RUNX3: variants seen among roughly 807,000 people sequenced by gnomAD.
The protein encoded by RUNX3 is runt-related transcription factor 3.
Under a neutral mutation model 27.7 loss-of-function variants are expected in RUNX3, and 10 were observed. The observed-to-expected ratio is 0.36, with a 90% CI of 0.22 to 0.61. RUNX3 has a LOEUF of 0.61. Ranked by LOEUF, RUNX3 falls within the 20% of genes least tolerant of loss-of-function variation. The probability of loss-of-function intolerance (pLI) is 0.72; values close to 1 mark genes in which losing one functional copy is unlikely to be tolerated. For synonymous variants in RUNX3, 270 were observed against 269.2 expected (o/e 1.00, Z -0.03); for missense variants, 469 against 629.5 (o/e 0.75, Z 2.73).
At chr1:24,940,875 GTAGA>G in intron 2 of RUNX3, among the ~76,000 whole-genome samples, 1 of 152,136 alleles carries the variant, frequency 6.6e-6, no homozygotes, top group East Asian at 1.9e-4. Flanking sequence ...CAGGTGGTAG[GTAGA>G]TAGATGTCTG....
At chr1:24,921,775 C>T (rs1445352322) in intron 2 of RUNX3, among the ~76,000 whole-genome samples, 2 of 152,158 alleles carry the variant, frequency 1.3e-5, no homozygotes. Flanking sequence ...TTTAGGCAGA[C>T]AGCCCAGAGC....
At chr1:24,903,363 C>T (rs1428411578) in intron 4 of RUNX3, among the ~76,000 whole-genome samples, 1 of 152,208 alleles carries the variant, frequency 6.6e-6, no homozygotes, top group Non-Finnish European at 1.5e-5. Context: ...CTGGAGCCGA[C>T]TCGTGGCCAC....
intron 3 of RUNX3, among the ~76,000 whole-genome samples, chr1:24,918,081 G>C (rs1231851871): frequency 1.3e-5 from 2 of 152,178 alleles, no homozygotes; most frequent in Non-Finnish European, 2.9e-5. Flanking sequence ...GTGACCCTGA[G>C]AGCCCTGGAG....
rs762450429 is a variant in RUNX3, at chr1:24,964,513, C to T, written c.58+1G>A. On this transcript the variant is annotated splice_donor_variant, in intron 2 of 6. Transcript: ENST00000338888. LOFTEE classifies it high-confidence loss of function. ...CAGGGCCCTGGGCTATTGTTACTCA[C>T]CGCGGATGAAGGTCGGCGAGTAGGT... 6.2e-7 allele frequency: 1 copy of T among 1,609,160 alleles called. No individual in the cohort carries two copies. The highest frequency in any genetic ancestry group is 8.5e-7 in the Non-Finnish European group (1 of 1,177,780).
intron 2 of RUNX3, among the ~76,000 whole-genome samples, chr1:24,959,825 G>A (rs1269751622): frequency 2.0e-5 from 3 of 152,216 alleles, no homozygotes; most frequent in African/African-American, 7.2e-5. Flanking sequence ...GGCATCTTCA[G>A]GGGAGGAGCT....
intron 2 of RUNX3, among the ~76,000 whole-genome samples, chr1:24,958,495 G>A (rs1222995933): frequency 6.6e-6 from 1 of 152,204 alleles, no homozygotes; most frequent in African/African-American, 2.4e-5. Flanking sequence ...CTCCTGGACT[G>A]ATTCACTGTT....
chr1:24,932,226 T>C (rs1641246800), upstream of RUNX3, among the ~76,000 whole-genome samples: 1 of 151,916 alleles, frequency 6.6e-6, no homozygotes, highest in Non-Finnish European at 1.5e-5. Context: ...AATGAGGGAC[T>C]CTTGTGGGCC....
chr1:24,927,246 T>C lies in RUNX3; in HGVS notation c.439+328A>G, dbSNP rs1330117865. 1.3e-5 allele frequency among the ~76,000 whole-genome samples: 2 copies of C among 152,158 alleles called. No individual in the cohort carries two copies. Among genetic ancestry groups the C allele is most frequent in the Non-Finnish European group, 1.5e-5 (1 of 68,022 alleles). On this transcript the variant is annotated intron_variant, in intron 2 of 4. Coordinates refer to ENST00000308873, the MANE Select transcript of RUNX3 (RefSeq NM_004350.3). The surrounding 1 kb of genome is among the most constrained non-coding windows in gnomAD (Gnocchi z 5.0). ...GCTGAAAGACCTATAAGCTCCCTTT[T>C]TGAGCTTGTTAATCCACCATCTCCT...
At chr1:24,964,178 C>T (rs1396529378) in intron 2 of RUNX3, among the ~76,000 whole-genome samples, 1 of 152,200 alleles carries the variant, frequency 6.6e-6, no homozygotes, top group East Asian at 1.9e-4. Flanking sequence ...GGCTGCAGGC[C>T]CTGGGGCCCT....
At position 24,902,003 on chromosome 1, in the gene RUNX3, G is replaced by A; in HGVS notation, c.*119C>T. Reference sequence around the variant, plus strand: ...CTCCCACCAGCTGGGACCACCCTGGGACCGAGACCACCCTGGAGCGCAGGT... The same window carrying A: ...CTCCCACCAGCTGGGACCACCCTGGAACCGAGACCACCCTGGAGCGCAGGT... On this transcript the variant is annotated 3_prime_UTR_variant, in exon 5 of 5. Transcript: ENST00000308873. The surrounding 1 kb of genome is among the most constrained non-coding windows in gnomAD (Gnocchi z 9.2). 1 of 978,398 alleles carries A rather than the reference G, an allele frequency of 1.0e-6. No homozygotes were observed. Among genetic ancestry groups the A allele is most frequent in the Non-Finnish European group, 1.5e-6 (1 of 682,480 alleles). The allele number at this position is 978,398 out of a possible 1,614,324, so 60.6% of individuals were successfully genotyped here. A position where few individuals can be genotyped will look rare whatever the true frequency, so the allele number is the denominator to read the frequency against.
At chr1:24,914,090 A>T (rs1382586899) in intron 3 of RUNX3, among the ~76,000 whole-genome samples, 1 of 152,194 alleles carries the variant, frequency 6.6e-6, no homozygotes, top group Admixed American at 6.5e-5. Flanking sequence ...TCACACATGG[A>T]GCTCAGCTGC....
At chr1:24,935,511 G>C (rs911615717) in intron 2 of RUNX3, among the ~76,000 whole-genome samples, 4 of 152,226 alleles carry the variant, frequency 2.6e-5, no homozygotes, top group African/African-American at 9.7e-5. Flanking sequence ...GAGGATGGGA[G>C]AGAGAAAGGG....
intron 2 of RUNX3, among the ~76,000 whole-genome samples, chr1:24,954,890 A>G (rs1641875754): frequency 6.6e-6 from 1 of 152,186 alleles, no homozygotes; most frequent in African/African-American, 2.4e-5. Context: ...CGCCCTGTGC[A>G]TCATGGGATG....
chr1:24,964,753 A>G (rs1026303827), intron 1 of RUNX3: 1 of 1,424,914 alleles, frequency 7.0e-7, no homozygotes. Flanking sequence ...CTGCTACGAA[A>G]AAGAAAAAAG....
rs1361650293 is a variant in RUNX3, at chr1:24,902,423, G to A, written c.947C>T (p.Pro316Leu). The A allele has an allele frequency of 5.6e-6, 9 of 1,611,408 alleles. No individual in the cohort carries two copies. The East Asian group carries it at 6.7e-5, about 12-fold the overall frequency. ...TYLPPPYPGAPQNQSGPFQAN... is the reference protein window; with the variant it reads ...TYLPPPYPGALQNQSGPFQAN... Reference sequence around the variant, plus strand: ...CTGGAAGGGCCCGCTCTGGTTCTGCGGGGCCCCCGGGTAGGGTGGCGGGAG... The same window carrying A: ...CTGGAAGGGCCCGCTCTGGTTCTGCAGGGCCCCCGGGTAGGGTGGCGGGAG... Residue 316 changes from proline (P) to leucine (L), a missense_variant, in exon 5 of 5, where the codon CCG becomes CTG. This residue lies in a region of RUNX3 where 279 missense variants were observed against 343.0 expected (regional missense o/e 0.81). Transcript: ENST00000308873. The surrounding 1 kb of genome is among the most constrained non-coding windows in gnomAD (Gnocchi z 9.2).
intron 2 of RUNX3, among the ~76,000 whole-genome samples, chr1:24,958,002 C>A (rs961263856): frequency 6.6e-6 from 1 of 152,230 alleles, no homozygotes; most frequent in African/African-American, 2.4e-5. Context: ...CCCTCTCTAG[C>A]CCTGAAAAAA....
intron 2 of RUNX3, among the ~76,000 whole-genome samples, chr1:24,922,655 T>C (rs1641021329): frequency 6.6e-6 from 1 of 152,210 alleles, no homozygotes; most frequent in African/African-American, 2.4e-5. Context: ...ATTTTTAAAG[T>C]ATTTTGCTAT....
chr1:24,911,538 T>C (rs1001324705), intron 3 of RUNX3, among the ~76,000 whole-genome samples: 1 of 152,206 alleles, frequency 6.6e-6, no homozygotes, highest in Non-Finnish European at 1.5e-5. Flanking sequence ...GTGTGGACAC[T>C]TTCCAGTCAC....
At position 24,919,356 on chromosome 1, in the gene RUNX3, G is replaced by A. The variant is rs1328906471; in HGVS notation, c.440-12C>T. ...GGTGAAACTCTTCCCTGGGGAGAGT[G>A]GGGAATAGAGGCAGGTGGTTGGCAC... On this transcript the variant is annotated splice_polypyrimidine_tract_variant and intron_variant, in intron 2 of 4. Coordinates refer to ENST00000308873, the MANE Select transcript of RUNX3 (RefSeq NM_004350.3). 6.3e-7 allele frequency: 1 copy of A among 1,575,622 alleles called. No individual in the cohort carries two copies. The highest frequency in any genetic ancestry group is 8.7e-7 in the Non-Finnish European group (1 of 1,146,696).
Sources: gnomAD v4.1 joint callset for allele counts (sites outside exome capture counted in the v4.1 genomes callset) on GRCh38, gnomAD v4.1.1 for gene constraint, gnomAD v4.1.1 regional missense constraint, Gnocchi (gnomAD v3.1) non-coding constraint, MANE v1.5 for transcripts, NCBI Gene and HGNC (gene_info 2026-07-23, HGNC 2026-07-21) for gene names.